Variants in RNF41 observed in about 807,000 individuals in gnomAD.
The protein encoded by RNF41 is E3 ubiquitin-protein ligase NRDP1.
RNF41 carries 4 observed loss-of-function variants against 33.0 expected under a neutral mutation model. The observed-to-expected ratio is 0.12, with a 90% CI of 0.06 to 0.28. The LOEUF is 0.28. Ranked by LOEUF, RNF41 falls within the 10% of genes least tolerant of loss-of-function variation. RNF41 has a pLI of 1.00. For missense variants in RNF41, 228 were observed against 432.6 expected (o/e 0.53, Z 4.19); for synonymous variants, 164 against 153.2 (o/e 1.07, Z -0.52).
chr12:56,215,266 G>T (rs929147764), intron 2 of RNF41, among the ~76,000 whole-genome samples: 6 of 152,192 alleles, frequency 3.9e-5, no homozygotes, highest in African/African-American at 1.4e-4. Context: ...ATTCTGAAGG[G>T]TATGAGAGAG....
chr12:56,214,595 GGGAC>G (rs2135810512), intron 2 of RNF41, among the ~76,000 whole-genome samples: 2 of 151,786 alleles, frequency 1.3e-5, no homozygotes, highest in East Asian at 1.9e-4. Flanking sequence ...TTGGGAGGCC[GGGAC>G]AGGCAGATGA....
intron 2 of RNF41, among the ~76,000 whole-genome samples, chr12:56,215,536 T>A (rs1303730670): frequency 6.6e-6 from 1 of 151,734 alleles, no homozygotes; most frequent in Non-Finnish European, 1.5e-5. Context: ...CTGGCCAACA[T>A]GGCGAAACCC....
At chr12:56,207,265 T>G in intron 6 of RNF41, 2 of 1,331,280 alleles carry the variant, frequency 1.5e-6, no homozygotes, top group Non-Finnish European at 9.8e-7. Context: ...AGAGATCACT[T>G]TCCTGGACTT....
chr12:56,211,613 C>A (rs1320616858), intron 3 of RNF41, among the ~76,000 whole-genome samples: 1 of 151,990 alleles, frequency 6.6e-6, no homozygotes, highest in Non-Finnish European at 1.5e-5. Flanking sequence ...TGATATGGGT[C>A]TTGAAGGATA....
intron 3 of RNF41, among the ~76,000 whole-genome samples, chr12:56,211,354 T>A (rs1868462636): frequency 6.7e-6 from 1 of 149,998 alleles, no homozygotes; most frequent in South Asian, 2.1e-4. Flanking sequence ...AATAAATAAA[T>A]ATATATATAT....
chr12:56,204,659 G>A lies in RNF41; in HGVS notation c.*1788C>T, dbSNP rs1878758560. The A allele has an allele frequency of 6.5e-6, 1 of 152,692 alleles. No homozygotes were observed. Among genetic ancestry groups the A allele is most frequent in the African/African-American group, 2.4e-5 (1 of 41,424 alleles). 9.5% of individuals were successfully genotyped at this position (152,692 alleles called of 1,614,324 possible). ...TCTGAGGGTAAGGACAGGACAGTAT[G>A]AGCCTTGGTTAAGGCAGGTAGGGGA... On this transcript the variant is annotated 3_prime_UTR_variant, in exon 7 of 7. Transcript: ENST00000345093.
intron 3 of RNF41, among the ~76,000 whole-genome samples, chr12:56,211,429 A>T (rs1395519129): frequency 6.6e-6 from 1 of 152,066 alleles, no homozygotes; most frequent in Non-Finnish European, 1.5e-5. Flanking sequence ...AAAGTTATAT[A>T]ACAATAAGAG....
chr12:56,215,329 A>T (rs1203343765), intron 2 of RNF41, among the ~76,000 whole-genome samples: 1 of 152,198 alleles, frequency 6.6e-6, no homozygotes, highest in Non-Finnish European at 1.5e-5. Flanking sequence ...TAGAATCAGT[A>T]TGTTAACAGG....
chr12:56,215,770 C>T (rs931951812), intron 2 of RNF41, among the ~76,000 whole-genome samples: 1 of 150,172 alleles, frequency 6.7e-6, no homozygotes, highest in Non-Finnish European at 1.5e-5. Flanking sequence ...ACTCAAACAG[C>T]GGCAATGGCG....
chr12:56,217,632 G>A (rs931513368), intron 1 of RNF41, among the ~76,000 whole-genome samples: 3 of 152,180 alleles, frequency 2.0e-5, no homozygotes, highest in African/African-American at 7.2e-5. Context: ...ATCCCCAGAT[G>A]GACCAGTACC....
At chr12:56,216,085 G>A (rs190297093) in intron 2 of RNF41, among the ~76,000 whole-genome samples, 63 of 151,560 alleles carry the variant, frequency 4.2e-4, no homozygotes, top group Middle Eastern at 3.4e-3. Context: ...TCATGCCACT[G>A]CACTCCAGCC....
Position 56,204,788 on chromosome 12 carries a change from C to T in RNF41, c.*1659G>A, listed in dbSNP as rs1447477448. 1.3e-5 allele frequency: 2 copies of T among 152,706 alleles called. No homozygotes were observed. Among genetic ancestry groups the T allele is most frequent in the Admixed American group, 6.5e-5 (1 of 15,272 alleles). The allele number at this position is 152,706 out of a possible 1,614,324, so 9.5% of individuals were successfully genotyped here. On this transcript the variant is annotated 3_prime_UTR_variant, in exon 7 of 7. Transcript: ENST00000345093. Reference sequence around the variant, plus strand: ...GGAACCCTACTCCCCTCAAGCTTTCCACCCCAATCCCAGTGGAGCCATGAT... The same window carrying T: ...GGAACCCTACTCCCCTCAAGCTTTCTACCCCAATCCCAGTGGAGCCATGAT...
Position 56,206,521 on chromosome 12 carries a change from G to C in RNF41, c.880C>G (p.Gln294Glu). Residue 294 changes from glutamine to glutamate, a missense_variant, in exon 7 of 7, where the codon CAG becomes GAG. Gln to Glu is a conservative substitution (Grantham distance 29). Coordinates refer to ENST00000345093, the MANE Select transcript of RNF41 (RefSeq NM_005785.4). This position sits in a 1 kb window ranked among gnomAD's most constrained non-coding sequence, Gnocchi z 5.7. ...TGCACCATGTCATCCCCCATGTGCT[G>C]GTTCTCACAGGCCATCACGACAACA... ...QAVVVMACEN[Q>E]HMGDDMVQEP... The C allele has an allele frequency of 2.5e-6, 4 of 1,614,200 alleles. No homozygotes were observed. The highest frequency in any genetic ancestry group is 3.4e-6 in the Non-Finnish European group (4 of 1,180,044).
At position 56,219,651 on chromosome 12, in the gene RNF41, G is replaced by A. The variant is rs189781925; in HGVS notation, c.-209+2109C>T. On this transcript the variant is annotated intron_variant, in intron 1 of 6. Transcript: ENST00000345093. The stretch of plus-strand genomic sequence containing the variant: ...TAATATAAGGTGTATATATGTGTGT[G>A]TGTGTATATATGTGTATATACACGC... 4.3e-3 allele frequency among the ~76,000 whole-genome samples: 66 copies of A among 15,496 alleles called. No homozygotes were observed. The Admixed American group carries it at 0.076, about 18-fold the overall frequency. The allele number at this position is 15,496 out of a possible 152,430, so 10.2% of individuals were successfully genotyped here.
chr12:56,214,162 C>T, intron 2 of RNF41, 92 bp from the exon 3 acceptor site: 2 of 753,278 alleles, frequency 2.7e-6, no homozygotes, highest in Admixed American at 3.9e-5. Flanking sequence ...ATTCATTTAT[C>T]CAACAAATAT....
chr12:56,208,388 T>C lies in RNF41; in HGVS notation c.363-90A>G, dbSNP rs1868317142. On this transcript the variant is annotated intron_variant, in intron 4 of 6. Coordinates refer to ENST00000345093, the MANE Select transcript of RNF41 (RefSeq NM_005785.4). ...TATTCTGTGGCAGATAACTGCTAAG[T>C]AGATTTTGTCCTACCCAAAATTTCT... 1.3e-5 allele frequency: 19 copies of C among 1,432,252 alleles called. No individual in the cohort carries two copies. In the South Asian group the frequency reaches 2.1e-4, roughly 16 times the overall value. The allele number at this position is 1,432,252 out of a possible 1,614,324, so 88.7% of individuals were successfully genotyped here. A position where few individuals can be genotyped will look rare whatever the true frequency, so the allele number is the denominator to read the frequency against.
intron 3 of RNF41, among the ~76,000 whole-genome samples, chr12:56,211,174 GAA>G (rs61231496): frequency 6.8e-6 from 1 of 146,766 alleles, no homozygotes; most frequent in African/African-American, 2.5e-5. Flanking sequence ...AATACATCTC[GAA>G]AAAAAAAAGC....
At position 56,207,740 on chromosome 12, in the gene RNF41, T is replaced by C. The variant is rs762272471; in HGVS notation, c.508A>G (p.Ile170Val). ...KHQLAEQKRD[I>V]QLLKAYMRAI... Reference sequence around the variant, plus strand: ...CGCATGTATGCCTTTAGCAGCTGGATGTCTCGCTTCTGTTGTGGGGAAGAA... The same window carrying C: ...CGCATGTATGCCTTTAGCAGCTGGACGTCTCGCTTCTGTTGTGGGGAAGAA... The change falls in exon 6 of 7, where the codon ATC (isoleucine) becomes GTC (valine). Residue 170 changes from isoleucine (I) to valine (V), a missense_variant. Physicochemically the swap from Ile to Val is conservative, Grantham distance 29. Transcript: ENST00000345093. 1.2e-6 allele frequency: 2 copies of C among 1,613,648 alleles called. No homozygotes were observed. Among genetic ancestry groups the C allele is most frequent in the African/African-American group, 2.7e-5 (2 of 74,926 alleles).
chr12:56,212,970 G>A, intron 3 of RNF41: 1 of 1,286,850 alleles, frequency 7.8e-7, no homozygotes, highest in Non-Finnish European at 1.0e-6. Context: ...CAACTCTTAA[G>A]GATTCACCTC....
Sources: allele counts gnomAD v4.1 joint callset (sites outside exome capture counted in the v4.1 genomes callset), GRCh38; gene constraint gnomAD v4.1.1; non-coding constraint Gnocchi (gnomAD v3.1); transcripts MANE v1.5; gene names NCBI Gene and HGNC (gene_info 2026-07-23, HGNC 2026-07-21).